Variants in SERPINB12 observed in about 807,000 individuals in gnomAD.
SERPINB12 encodes the protein serpin family B member 12.
In SERPINB12, 57 loss-of-function variants were observed where a neutral mutation model predicts 41.1. The ratio of observed to expected loss-of-function variants is 1.39; its 90% CI spans 1.12 to 1.73. SERPINB12 has a LOEUF of 1.73. Ranked by LOEUF, SERPINB12 falls within the 40% of genes most tolerant of loss-of-function variation. The pLI, the probability that SERPINB12 is intolerant of heterozygous loss-of-function variation, is 0.00. For synonymous variants in SERPINB12, 180 were observed against 181.3 expected, an observed-to-expected ratio of 0.99 and a Z score of 0.06; for missense variants, 536 against 501.9, an observed-to-expected ratio of 1.07 and a Z score of -0.65.
chr18:63,523,033 A>G, the SERPINB12 span, among the ~76,000 whole-genome samples: 1 of 152,164 alleles, frequency 6.6e-6, no homozygotes, highest in Non-Finnish European at 1.5e-5. Context: ...ATTTAGTTTA[A>G]TATGTCATTT....
chr18:63,559,208 A>C (rs963774842), intron 3 of SERPINB12, among the ~76,000 whole-genome samples: 2 of 151,500 alleles, frequency 1.3e-5, no homozygotes, highest in African/African-American at 4.9e-5. Context: ...GGGTTCAAGC[A>C]ATTTTCCTGC....
chr18:63,545,629 A>C (rs1910370305), intron 1 of SERPINB12, among the ~76,000 whole-genome samples: 1 of 152,152 alleles, frequency 6.6e-6, no homozygotes, highest in African/African-American at 2.4e-5. Context: ...CTTCTCAGGT[A>C]CCCAGAAGCC....
chr18:63,560,897 T>C (rs1207842913), intron 4 of SERPINB12, among the ~76,000 whole-genome samples, 188 bp from the exon 5 acceptor site: 1 of 152,174 alleles, frequency 6.6e-6, no homozygotes, highest in Non-Finnish European at 1.5e-5. Context: ...CATTTTTCAC[T>C]AAAAAAACTG....
intron 1 of SERPINB12, among the ~76,000 whole-genome samples, chr18:63,552,732 T>G (rs1314125431): frequency 6.6e-6 from 1 of 152,182 alleles, no homozygotes; most frequent in African/African-American, 2.4e-5. Flanking sequence ...ACTAACCCAG[T>G]GGGAGAACTT....
At position 63,565,543 on chromosome 18, in the gene SERPINB12, C is replaced by G; in HGVS notation, c.804C>G (p.Thr268=). 6.2e-7 allele frequency: 1 copy of G among 1,614,058 alleles called. No individual in the cohort carries two copies. Reference sequence around the variant, plus strand: ...CACAGATCCTGGAAATGAGGTACACCAAGGGGAAGCTCAGCATGTTCGTGC... The same window carrying G: ...CACAGATCCTGGAAATGAGGTACACGAAGGGGAAGCTCAGCATGTTCGTGC... ...VKAQILEMRY[T]KGKLSMFVLL... is the part of the protein sequence containing the mutation. Residue 268 remains threonine (T), a synonymous_variant, in exon 7 of 8, where the codon ACC becomes ACG. Coordinates refer to ENST00000382768, the MANE Select transcript of SERPINB12 (RefSeq NM_001307928.2).
chr18:63,556,093 A>T (rs1650835576), intron 1 of SERPINB12, 49 bp from the exon 2 acceptor site: 4 of 1,351,110 alleles, frequency 3.0e-6, no homozygotes, highest in Non-Finnish European at 4.2e-6. Flanking sequence ...TTGTTCACTT[A>T]TTTTCTTCCA....
chr18:63,557,548 ATG>A (rs930219637), intron 2 of SERPINB12, among the ~76,000 whole-genome samples: 9 of 152,152 alleles, frequency 5.9e-5, no homozygotes, highest in African/African-American at 1.7e-4. Flanking sequence ...TTAAGACAGA[ATG>A]TGTTTCTGGG....
chr18:63,548,489 A>T lies in SERPINB12; in HGVS notation c.-19+5997A>T, dbSNP rs1473789464. 2.6e-5 allele frequency among the ~76,000 whole-genome samples: 4 copies of T among 152,188 alleles called. No homozygotes were observed. In the South Asian group the frequency reaches 6.2e-4, roughly 24 times the overall value. ...CAGAAAATATTGACAATTTTCAGTA[A>T]ATAAGAGTAAAAACAATTCTATAAT... On this transcript the variant is annotated intron_variant, in intron 1 of 7. Coordinates refer to ENST00000382768, the MANE Select transcript of SERPINB12 (RefSeq NM_001307928.2).
At chr18:63,543,912 C>T (rs915723474) in intron 1 of SERPINB12, among the ~76,000 whole-genome samples, 36 of 152,146 alleles carry the variant, frequency 2.4e-4, no homozygotes, top group African/African-American at 8.2e-4. Context: ...CCACTGCGCC[C>T]GGGCAAAATG....
At chr18:63,564,190 T>C in intron 6 of SERPINB12, 70 bp downstream of exon 6, 2 of 1,460,440 alleles carry the variant, frequency 1.4e-6, no homozygotes, top group Non-Finnish European at 9.3e-7. Context: ...ATTTACAATA[T>C]GTATACTCGA....
chr18:63,544,501 A>T (rs893814989), intron 1 of SERPINB12, among the ~76,000 whole-genome samples: 22 of 152,162 alleles, frequency 1.4e-4, no homozygotes, highest in Non-Finnish European at 2.4e-4. Flanking sequence ...CTGAGGTCTC[A>T]GGCTAGTAAG....
rs377738841 is a variant in SERPINB12, at chr18:63,556,332, G to A, written c.168+5G>A. On this transcript the variant is annotated splice_donor_5th_base_variant and intron_variant, in intron 2 of 7. Coordinates refer to ENST00000382768, the MANE Select transcript of SERPINB12 (RefSeq NM_001307928.2). ...AGTGCACATCAGATTGATGAGGTAC[G>A]TGTCCACTAGGGTGCTACACAGGGT... The A allele has an allele frequency of 3.0e-5, 49 of 1,612,906 alleles. No homozygotes were observed. The African/African-American group carries it at 3.5e-4, about 11-fold the overall frequency.
intron 1 of SERPINB12, among the ~76,000 whole-genome samples, chr18:63,544,156 T>C (rs1910332749): frequency 6.6e-6 from 1 of 152,136 alleles, no homozygotes; most frequent in African/African-American, 2.4e-5. Context: ...ACTCTGTCAT[T>C]GTAGAGCAAA....
Position 63,567,508 on chromosome 18 carries a change from C to T in SERPINB12, c.*497C>T, listed in dbSNP as rs1467170262. ...TTGTGGTCATCACTGGGCGAGATGC[C>T]CTGTTTCTTCCTTTGACAGCTACTG... On this transcript the variant is annotated 3_prime_UTR_variant, in exon 8 of 8. Coordinates refer to ENST00000382768, the MANE Select transcript of SERPINB12 (RefSeq NM_001307928.2). 6.6e-6 allele frequency among the ~76,000 whole-genome samples: 1 copy of T among 152,198 alleles called. No homozygotes were observed. Among genetic ancestry groups the T allele is most frequent in the African/African-American group, 2.4e-5 (1 of 41,496 alleles).
At chr18:63,544,686 C>A (rs961411819) in intron 1 of SERPINB12, among the ~76,000 whole-genome samples, 3 of 152,028 alleles carry the variant, frequency 2.0e-5, no homozygotes, top group African/African-American at 7.3e-5. Context: ...GAACTAAGGG[C>A]TTTGGATATC....
chr18:63,528,983 A>C, the SERPINB12 span, among the ~76,000 whole-genome samples: 1 of 152,164 alleles, frequency 6.6e-6, no homozygotes, highest in Non-Finnish European at 1.5e-5. Flanking sequence ...CAACTCCTGG[A>C]AGTAGATAGT....
intron 6 of SERPINB12, among the ~76,000 whole-genome samples, chr18:63,564,917 C>T (rs1911042160): frequency 6.6e-6 from 1 of 152,148 alleles, no homozygotes; most frequent in Non-Finnish European, 1.5e-5. Flanking sequence ...TGGAAAGGGC[C>T]AGGTGAGGTG....
chr18:63,559,059 TCTCC>T (rs1305209893), intron 3 of SERPINB12, among the ~76,000 whole-genome samples: 1,434 of 82,480 alleles, frequency 0.017, 19 homozygotes, highest in Middle Eastern at 0.058. Context: ...TCTTTCTTTC[TCTCC>T]TTCTTCTCTC....
At chr18:63,564,840 G>A (rs1054001356) in intron 6 of SERPINB12, among the ~76,000 whole-genome samples, 1 of 152,172 alleles carries the variant, frequency 6.6e-6, no homozygotes, top group Non-Finnish European at 1.5e-5. Context: ...TGACTTAACA[G>A]TGGAGATGCT....
Sources: gnomAD v4.1 joint callset for allele counts (sites outside exome capture counted in the v4.1 genomes callset) on GRCh38, gnomAD v4.1.1 for gene constraint, MANE v1.5 for transcripts, NCBI Gene and HGNC (gene_info 2026-07-23, HGNC 2026-07-21) for gene names.